Variants in SLC9A8 observed in about 807,000 individuals in gnomAD.
The protein encoded by SLC9A8 is sodium/hydrogen exchanger 8.
SLC9A8 carries 48 observed loss-of-function variants against 66.6 expected under a neutral mutation model. The ratio of observed to expected loss-of-function variants is 0.72; its 90% CI spans 0.57 to 0.92. The LOEUF is 0.92. Among genes scored for constraint, SLC9A8 ranks in the 40% least tolerant of loss-of-function variants. SLC9A8 has a pLI of 0.00. For missense variants in SLC9A8, 599 were observed against 747.3 expected (o/e 0.80, Z 2.31); for synonymous variants, 274 against 282.6 (o/e 0.97, Z 0.31).
rs779240037 is a variant in SLC9A8 at position 49,872,301 on chromosome 20, G to A, written c.959-2404G>A. ...AAAGGCATTTGCTGTTTCCTAAGAG[G>A]GTTAGGAGATCAAATGTCCAGCTCC... On this transcript the variant is annotated intron_variant, in intron 10 of 15. Transcript: ENST00000361573. 1.8e-4 allele frequency among the ~76,000 whole-genome samples: 27 copies of A among 151,678 alleles called. 1 individual carries two copies. Among genetic ancestry groups the A allele is most frequent in the Non-Finnish European group, 8.8e-5 (6 of 68,012 alleles).
chr20:49,875,868 G>T (rs985746102), intron 11 of SLC9A8, among the ~76,000 whole-genome samples: 13 of 152,032 alleles, frequency 8.6e-5, no homozygotes, highest in African/African-American at 3.1e-4. Flanking sequence ...CGGAGTAGCT[G>T]GGACTATAGG....
At chr20:49,814,806 A>G (rs2086484064) in intron 1 of SLC9A8, among the ~76,000 whole-genome samples, 1 of 152,066 alleles carries the variant, frequency 6.6e-6, no homozygotes, top group Non-Finnish European at 1.5e-5. Flanking sequence ...AAGTGGCTGT[A>G]TTCAAAAGCA....
chr20:49,839,497 C>A, intron 3 of SLC9A8, 44 bp from the exon 4 acceptor site: 1 of 1,300,244 alleles, frequency 7.7e-7, no homozygotes, highest in Non-Finnish European at 1.1e-6. Context: ...AGTAATCTTT[C>A]TCATATCTTA....
chr20:49,850,347 C>T (rs1014735369), intron 6 of SLC9A8, among the ~76,000 whole-genome samples: 2 of 152,160 alleles, frequency 1.3e-5, no homozygotes, highest in Non-Finnish European at 2.9e-5. Context: ...TTGTCAGTTG[C>T]AGAAAGTTTG....
chr20:49,891,630 G>A lies in SLC9A8; in HGVS notation c.*3694G>A, dbSNP rs1451370557. The A allele has an allele frequency of 6.6e-6, 1 of 152,336 alleles. No homozygotes were observed. The highest frequency in any genetic ancestry group is 2.4e-5 in the African/African-American group (1 of 41,466). 9.4% of individuals were successfully genotyped at this position (152,336 alleles called of 1,614,324 possible). ...GTTGGTCTCCCCGGCTGCTCTGCGG[G>A]GGCTTCACTGGCTTCGGAGTGAGCG... On this transcript the variant is annotated 3_prime_UTR_variant, in exon 16 of 16. Coordinates refer to ENST00000361573, the MANE Select transcript of SLC9A8 (RefSeq NM_015266.3).
In SLC9A8 at chr20:49,834,165, CTCTCTCTCTCTCTCTCTCTCTATATA is replaced by C. The variant is rs1439950382; in HGVS notation, c.290-5374_290-5349del. 5.3e-5 allele frequency among the ~76,000 whole-genome samples: 3 copies of C among 56,632 alleles called. 1 individual carries two copies. The highest frequency in any genetic ancestry group is 2.2e-4 in the African/African-American group (3 of 13,592). 37.2% of individuals were successfully genotyped at this position (56,632 alleles called of 152,430 possible). On this transcript the variant is annotated intron_variant, in intron 3 of 15. Coordinates refer to ENST00000361573, the MANE Select transcript of SLC9A8 (RefSeq NM_015266.3). The stretch of plus-strand genomic sequence containing the variant: ...TCTCTCTCTCTCTCTCTCTCTCTCT[CTCTCTCTCTCTCTCTCTCTCTATATA>C]TATATATATATATATATATATATAC...
intron 10 of SLC9A8, among the ~76,000 whole-genome samples, chr20:49,866,647 A>G (rs528638556): frequency 6.6e-6 from 1 of 152,200 alleles, no homozygotes; most frequent in East Asian, 1.9e-4. Flanking sequence ...TATAGTTTAT[A>G]TGAGTTTATA....
In SLC9A8 at chr20:49,888,450, C is replaced by T. The variant is rs370265544; in HGVS notation, c.*514C>T. Reference sequence around the variant, plus strand: ...GGGCCCAGAAATCCTGAAAACCTCCCGCTGCCTTTTGTGATACTTCCTGTG... The same window carrying T: ...GGGCCCAGAAATCCTGAAAACCTCCTGCTGCCTTTTGTGATACTTCCTGTG... On this transcript the variant is annotated 3_prime_UTR_variant, in exon 16 of 16. Transcript: ENST00000361573. The T allele has an allele frequency of 6.8e-5, 11 of 161,284 alleles. No homozygotes were observed. Among genetic ancestry groups the T allele is most frequent in the East Asian group, 3.8e-4 (2 of 5,258 alleles). 10.0% of individuals were successfully genotyped at this position (161,284 alleles called of 1,614,324 possible). A position where few individuals can be genotyped will look rare whatever the true frequency, so the allele number is the denominator to read the frequency against.
chr20:49,827,040 C>T (rs1326762926), intron 3 of SLC9A8, among the ~76,000 whole-genome samples: 1 of 151,718 alleles, frequency 6.6e-6, no homozygotes, highest in Non-Finnish European at 1.5e-5. Flanking sequence ...CCCCTGGGTT[C>T]AAGCGATTCT....
At chr20:49,815,572 C>T (rs1277181964) in intron 2 of SLC9A8, 1 of 158,490 alleles carries the variant, frequency 6.3e-6, no homozygotes, top group Non-Finnish European at 1.4e-5. Context: ...TGGTGAAACT[C>T]TGTCTTCACT....
At position 49,850,796 on chromosome 20, in the gene SLC9A8, G is replaced by T; in HGVS notation, c.535-14G>T. 6.2e-7 allele frequency: 1 copy of T among 1,611,490 alleles called. No individual in the cohort carries two copies. ...TTTGTGTGTGTCTGTGTGTTTGTGT[G>T]TTTTATTTTACAGGCTGATGTAATC... On this transcript the variant is annotated splice_polypyrimidine_tract_variant and intron_variant, in intron 6 of 15. Transcript: ENST00000361573.
In SLC9A8 at chr20:49,815,200, A is replaced by G; in HGVS notation, c.208+11A>G. On this transcript the variant is annotated intron_variant, in intron 2 of 15. Transcript: ENST00000361573. ...GCCTCCTTGTCCTAGGTGAATATGG[A>G]CACTGTCATCCCCATCATCTGCCAT... The G allele has an allele frequency of 1.3e-6, 2 of 1,524,480 alleles. No individual in the cohort carries two copies. Among genetic ancestry groups the G allele is most frequent in the Non-Finnish European group, 1.8e-6 (2 of 1,132,232 alleles). 94.4% of individuals were successfully genotyped at this position (1,524,480 alleles called of 1,614,324 possible). A position where few individuals can be genotyped will look rare whatever the true frequency, so the allele number is the denominator to read the frequency against.
Position 49,847,963 on chromosome 20 carries a change from G to T in SLC9A8, c.433-1616G>T, listed in dbSNP as rs6125795. 0.023 allele frequency among the ~76,000 whole-genome samples: 3,250 copies of T among 143,544 alleles called. 359 individuals are homozygous for T. The East Asian group carries it at 0.35, about 15-fold the overall frequency. 94.2% of individuals were successfully genotyped at this position (143,544 alleles called of 152,430 possible). A position where few individuals can be genotyped will look rare whatever the true frequency, so the allele number is the denominator to read the frequency against. Reference sequence around the variant, plus strand: ...TTGCTCTTGTTGCCCAGGCTGGAGTGCAATGGCACGAACTCGGCTCACTGC... The same window carrying T: ...TTGCTCTTGTTGCCCAGGCTGGAGTTCAATGGCACGAACTCGGCTCACTGC... On this transcript the variant is annotated intron_variant, in intron 5 of 15. Transcript: ENST00000361573.
At chr20:49,822,643 TG>T (rs2086782048) in intron 2 of SLC9A8, among the ~76,000 whole-genome samples, 1 of 152,028 alleles carries the variant, frequency 6.6e-6, no homozygotes. Context: ...AAAAATTAGT[TG>T]GGTGTGGTGT....
At position 49,888,251 on chromosome 20, in the gene SLC9A8, C is replaced by T. The variant is rs1399858853; in HGVS notation, c.*315C>T. ...ATCTGTGAAGCTAGGGCGCCTACCCCCCCACCCGGAGGACCCCTGCGGCCC... is the reference window on the plus strand; with the variant it reads ...ATCTGTGAAGCTAGGGCGCCTACCCTCCCACCCGGAGGACCCCTGCGGCCC... On this transcript the variant is annotated 3_prime_UTR_variant, in exon 16 of 16. Coordinates refer to ENST00000361573, the MANE Select transcript of SLC9A8 (RefSeq NM_015266.3). 3.2e-6 allele frequency: 1 copy of T among 314,506 alleles called. No homozygotes were observed. 19.5% of individuals were successfully genotyped at this position (314,506 alleles called of 1,614,324 possible).
At chr20:49,851,308 G>A (rs887058206) in intron 7 of SLC9A8, among the ~76,000 whole-genome samples, 1 of 152,184 alleles carries the variant, frequency 6.6e-6, no homozygotes, top group African/African-American at 2.4e-5. Flanking sequence ...GGTTATTGTA[G>A]AAAGCCCCTC....
In SLC9A8 at chr20:49,822,935, CTG is replaced by C. The variant is rs912836328; in HGVS notation, c.209-122_209-121del. The C allele has an allele frequency of 3.7e-5, 27 of 724,384 alleles. No homozygotes were observed. The African/African-American group carries it at 3.9e-4, about 11-fold the overall frequency. The allele number at this position is 724,384 out of a possible 1,614,324, so 44.9% of individuals were successfully genotyped here. ...ACACGAAAAACACCGCTGAAGTTCA[CTG>C]TGTTATTCCAATTGTCCATTTCTGT... On this transcript the variant is annotated intron_variant, in intron 2 of 15. Transcript: ENST00000361573.
At chr20:49,824,400 A>G (rs2086845492) in intron 3 of SLC9A8, among the ~76,000 whole-genome samples, 1 of 152,210 alleles carries the variant, frequency 6.6e-6, no homozygotes, top group South Asian at 2.1e-4. Flanking sequence ...GCTATTAGGC[A>G]TATTGAAAAG....
At chr20:49,874,544 A>G (rs1481975429) in intron 10 of SLC9A8, among the ~76,000 whole-genome samples, 161 bp from the exon 11 acceptor site, 1 of 152,124 alleles carries the variant, frequency 6.6e-6, no homozygotes, top group East Asian at 1.9e-4. Context: ...GAAGGGACCC[A>G]TAGTATTTTT....
Sources: gnomAD v4.1 joint callset for allele counts (sites outside exome capture counted in the v4.1 genomes callset) on GRCh38, gnomAD v4.1.1 for gene constraint, MANE v1.5 for transcripts, NCBI Gene and HGNC (gene_info 2026-07-23, HGNC 2026-07-21) for gene names.